Variants in PLCL2 observed in about 807,000 individuals in gnomAD.
The protein encoded by PLCL2 is inactive phospholipase C-like protein 2.
In PLCL2, 4 loss-of-function variants were observed where a neutral mutation model predicts 79.6. The observed-to-expected ratio is 0.05, with a 90% CI of 0.02 to 0.11. The LOEUF (loss-of-function observed/expected upper bound fraction) is 0.11, where lower values mean the gene tolerates loss of function less well. Ranked by LOEUF, PLCL2 falls within the 10% of genes least tolerant of loss-of-function variation. PLCL2 has a pLI of 1.00. For missense variants in PLCL2, 895 were observed against 1,291.0 expected (o/e 0.69, Z 4.70); for synonymous variants, 484 against 457.7 (o/e 1.06, Z -0.73).
At chr3:17,022,955 T>C (rs1448172730) in intron 3 of PLCL2, among the ~76,000 whole-genome samples, 2 of 152,232 alleles carry the variant, frequency 1.3e-5, no homozygotes, top group Non-Finnish European at 1.5e-5. Flanking sequence ...GGTAAAATGC[T>C]CAGTCTCTCT....
intron 1 of PLCL2, among the ~76,000 whole-genome samples, chr3:16,966,205 T>TAATG (rs2063805055): frequency 7.2e-6 from 1 of 138,102 alleles, no homozygotes; most frequent in African/African-American, 2.7e-5. Context: ...AATACTGAAC[T>TAATG]TATTGAGAGT....
intron 3 of PLCL2, among the ~76,000 whole-genome samples, chr3:17,024,108 G>A (rs1045641989): frequency 2.0e-5 from 3 of 152,142 alleles, no homozygotes; most frequent in Non-Finnish European, 4.4e-5. Flanking sequence ...AGTATGATGT[G>A]ATAACTTTAA....
At chr3:16,896,279 C>T (rs1426407192) in intron 1 of PLCL2, among the ~76,000 whole-genome samples, 2 of 151,996 alleles carry the variant, frequency 1.3e-5, no homozygotes, top group Non-Finnish European at 2.9e-5. Context: ...TGCTAAAGCC[C>T]TGCACTAGTT....
chr3:17,047,715 G>C (rs1195570293), intron 4 of PLCL2, among the ~76,000 whole-genome samples: 1 of 152,162 alleles, frequency 6.6e-6, no homozygotes, highest in African/African-American at 2.4e-5. Flanking sequence ...GTCATCTTGA[G>C]ATGCTGCAGT....
chr3:17,049,100 GT>G (rs35916736), intron 4 of PLCL2, among the ~76,000 whole-genome samples: 2 of 151,506 alleles, frequency 1.3e-5, no homozygotes, highest in African/African-American at 2.4e-5. Context: ...CTTGTGCAAA[GT>G]TTTTTTTTAT....
intron 1 of PLCL2, among the ~76,000 whole-genome samples, chr3:16,926,500 T>C (rs1697252404): frequency 6.6e-6 from 1 of 152,258 alleles, no homozygotes; most frequent in African/African-American, 2.4e-5. Flanking sequence ...ATTACTGTTA[T>C]GTCATTATTT....
At chr3:17,030,462 C>G (rs1382015208) in intron 3 of PLCL2, among the ~76,000 whole-genome samples, 1 of 152,180 alleles carries the variant, frequency 6.6e-6, no homozygotes, top group Non-Finnish European at 1.5e-5. Context: ...TCATGCCCCA[C>G]TTTGTTATTT....
chr3:16,900,480 A>G (rs1696592293), intron 1 of PLCL2, among the ~76,000 whole-genome samples: 1 of 152,210 alleles, frequency 6.6e-6, no homozygotes, highest in East Asian at 1.9e-4. Context: ...TCTACAGTAT[A>G]TTGAAATAAA....
At chr3:16,984,699 C>T (rs2064031342) in intron 1 of PLCL2, among the ~76,000 whole-genome samples, 2 of 152,184 alleles carry the variant, frequency 1.3e-5, no homozygotes, top group South Asian at 4.1e-4. Context: ...TTGGGAGGCC[C>T]AGGCAGGCAG....
Position 16,887,693 on chromosome 3 carries a change from T to A in PLCL2, c.327+2327T>A, listed in dbSNP as rs1696256040. On this transcript the variant is annotated intron_variant, in intron 1 of 5. Coordinates refer to ENST00000615277, the MANE Select transcript of PLCL2 (RefSeq NM_001144382.2). This position sits in a 1 kb window ranked among gnomAD's most constrained non-coding sequence, Gnocchi z 4.1. ...GATAACTTCCAGCATCAGGACAATATCCTAATAGAAAACAAAGTCTTTAAC... is the reference window on the plus strand; with the variant it reads ...GATAACTTCCAGCATCAGGACAATAACCTAATAGAAAACAAAGTCTTTAAC... Among the ~76,000 whole-genome samples the A allele has an allele frequency of 6.6e-6, 1 of 152,100 alleles. No individual in the cohort carries two copies. Among genetic ancestry groups the A allele is most frequent in the Admixed American group, 6.6e-5 (1 of 15,266 alleles).
chr3:16,952,360 CA>C (rs35421244), intron 1 of PLCL2, among the ~76,000 whole-genome samples: 443 of 22,442 alleles, frequency 0.02, no homozygotes, highest in South Asian at 0.03. Flanking sequence ...GAACTTAAAG[CA>C]AAAAAAAAAA....
intron 5 of PLCL2, among the ~76,000 whole-genome samples, chr3:17,087,438 G>A (rs570741896): frequency 1.3e-5 from 2 of 152,298 alleles, no homozygotes; most frequent in Non-Finnish European, 2.9e-5. Flanking sequence ...CCAACTAGAC[G>A]ACATTGTTGA....
At chr3:16,945,830 A>G (rs2063595206) in intron 1 of PLCL2, among the ~76,000 whole-genome samples, 1 of 152,240 alleles carries the variant, frequency 6.6e-6, no homozygotes, top group Non-Finnish European at 1.5e-5. Context: ...AATGAAGTAG[A>G]GACCTTTCTG....
intron 1 of PLCL2, among the ~76,000 whole-genome samples, chr3:16,983,359 A>G (rs965046519): frequency 6.6e-6 from 1 of 152,214 alleles, no homozygotes; most frequent in African/African-American, 2.4e-5. Context: ...TATGAGCTTC[A>G]GTGTCTTTAG....
chr3:17,052,507 C>T (rs1284173769), intron 4 of PLCL2, among the ~76,000 whole-genome samples: 1 of 152,144 alleles, frequency 6.6e-6, no homozygotes, highest in African/African-American at 2.4e-5. Context: ...ATGATACTGG[C>T]ACTGAAACTA....
intron 1 of PLCL2, among the ~76,000 whole-genome samples, chr3:16,945,884 G>T (rs113355909): frequency 1.1e-4 from 17 of 152,256 alleles, no homozygotes; most frequent in Middle Eastern, 6.8e-3. Flanking sequence ...TCTTCTGCAG[G>T]TTTATTCACA....
intron 4 of PLCL2, among the ~76,000 whole-genome samples, chr3:17,060,790 G>T (rs967016815): frequency 6.6e-6 from 1 of 152,060 alleles, no homozygotes; most frequent in Non-Finnish European, 1.5e-5. Flanking sequence ...GTGTTATATG[G>T]TATTCCATCT....
chr3:16,902,881 T>TGTGTGTGTGTGC (rs1272936432), intron 1 of PLCL2, among the ~76,000 whole-genome samples: 1,405 of 133,888 alleles, frequency 0.01, 19 homozygotes, highest in East Asian at 0.023. Context: ...TGTGTGTGTG[T>TGTGTGTGTGTGC]GNGCGCATGT....
At position 17,011,198 on chromosome 3, in the gene PLCL2, C is replaced by G; in HGVS notation, c.1852C>G (p.Leu618Val). 6.2e-7 allele frequency: 1 copy of G among 1,614,176 alleles called. No homozygotes were observed. Among genetic ancestry groups the G allele is most frequent in the Non-Finnish European group, 8.5e-7 (1 of 1,180,026 alleles). ...GAAGCGATTTCAGCTTTGTAAAGAA[C>G]TGTCTGAACTGGTCAGCATCTGCAA... ...PVKRFQLCKE[L>V]SELVSICKSV... is the part of the protein sequence containing the mutation. Residue 618 changes from leucine (L) to valine (V), a missense_variant, in exon 2 of 6, where the codon CTG (leucine) becomes GTG (valine). Coordinates refer to ENST00000615277, the MANE Select transcript of PLCL2 (RefSeq NM_001144382.2). This position sits in a 1 kb window ranked among gnomAD's most constrained non-coding sequence, Gnocchi z 7.9.
Sources: allele counts gnomAD v4.1 joint callset (sites outside exome capture counted in the v4.1 genomes callset), GRCh38; gene constraint gnomAD v4.1.1; non-coding constraint Gnocchi (gnomAD v3.1); transcripts MANE v1.5; gene names NCBI Gene and HGNC (gene_info 2026-07-23, HGNC 2026-07-21).